IQCH: variants seen among roughly 807,000 people sequenced by gnomAD.
IQCH encodes the protein IQ motif containing H, also known as IQ domain-containing protein H.
A neutral mutation model predicts 117.0 loss-of-function variants in IQCH; 98 were observed. The observed-to-expected ratio is 0.84, with a 90% CI of 0.71 to 0.99. The LOEUF (loss-of-function observed/expected upper bound fraction) is 0.99. Among genes scored for constraint, IQCH ranks in the 50% least tolerant of loss-of-function variants. The probability of loss-of-function intolerance (pLI) is 0.00; values close to 1 mark genes in which losing one functional copy is unlikely to be tolerated. For synonymous variants in IQCH, 412 were observed against 448.2 expected (o/e 0.92, Z 1.02); for missense variants, 1,102 against 1,243.8 (o/e 0.89, Z 1.72).
At chr15:67,268,243 G>A (rs924655182) in intron 3 of IQCH, among the ~76,000 whole-genome samples, 1 of 152,186 alleles carries the variant, frequency 6.6e-6, no homozygotes, top group Non-Finnish European at 1.5e-5. Context: ...TACACAAAGT[G>A]GTGATAACGA....
At chr15:67,367,225 C>T (rs1372636002) in intron 8 of IQCH, among the ~76,000 whole-genome samples, 1 of 152,130 alleles carries the variant, frequency 6.6e-6, no homozygotes, top group Non-Finnish European at 1.5e-5. Context: ...TGACAAATTG[C>T]TTTCCAGCCT....
chr15:67,438,524 C>T (rs2082192052), intron 16 of IQCH, among the ~76,000 whole-genome samples: 1 of 152,108 alleles, frequency 6.6e-6, no homozygotes, highest in Non-Finnish European at 1.5e-5. Context: ...AGTACACAGG[C>T]AACGAAGAGC....
chr15:67,280,468 G>A (rs1966307185), intron 4 of IQCH, among the ~76,000 whole-genome samples: 2 of 152,204 alleles, frequency 1.3e-5, no homozygotes, highest in Non-Finnish European at 2.9e-5. Context: ...CCGGTGTCTG[G>A]TGAGGTCTTT....
At position 67,372,437 on chromosome 15, in the gene IQCH, G is replaced by A; in HGVS notation, c.1080G>A (p.Gly360=). The A allele has an allele frequency of 1.2e-6, 2 of 1,613,980 alleles. No homozygotes were observed. The highest frequency in any genetic ancestry group is 1.7e-6 in the Non-Finnish European group (2 of 1,179,960). Residue 360 remains glycine, a synonymous_variant, in exon 9 of 21, where the codon GGG becomes GGA. Coordinates refer to ENST00000335894, the MANE Select transcript of IQCH (RefSeq NM_001031715.3). ...TCCAAATGCTGATAAATCTTCCAGGGCAAAGGTACAAGGGCCAAGATGGAA... is the reference window on the plus strand; with the variant it reads ...TCCAAATGCTGATAAATCTTCCAGGACAAAGGTACAAGGGCCAAGATGGAA... ...AHVQMLINLP[G]QRYKGQDGNS...
chr15:67,383,989 A>T (rs1971026316), intron 10 of IQCH, among the ~76,000 whole-genome samples: 1 of 152,162 alleles, frequency 6.6e-6, no homozygotes, highest in African/African-American at 2.4e-5. Flanking sequence ...TGAAAAGGAA[A>T]TGTGTGTCAC....
chr15:67,442,877 T>TATAC (rs1567193362), intron 16 of IQCH, among the ~76,000 whole-genome samples: 92 of 146,760 alleles, frequency 6.3e-4, no homozygotes, highest in African/African-American at 2.2e-3. Flanking sequence ...TACATATATA[T>TATAC]ATATATAAAA....
chr15:67,400,014 A>G (rs916535042), intron 13 of IQCH, 100 bp from the exon 14 acceptor site: 1 of 844,842 alleles, frequency 1.2e-6, no homozygotes, highest in African/African-American at 1.7e-5. Flanking sequence ...GACCATTAGA[A>G]GTAAAGACAC....
chr15:67,408,644 C>G lies in IQCH; in HGVS notation c.2098-8287C>G, dbSNP rs1473179808. 2.6e-5 allele frequency among the ~76,000 whole-genome samples: 4 copies of G among 152,178 alleles called. No homozygotes were observed. Among genetic ancestry groups the G allele is most frequent in the African/African-American group, 9.7e-5 (4 of 41,436 alleles). On this transcript the variant is annotated intron_variant, in intron 14 of 20. Coordinates refer to ENST00000335894, the MANE Select transcript of IQCH (RefSeq NM_001031715.3). This position sits in a 1 kb window ranked among gnomAD's most constrained non-coding sequence, Gnocchi z 4.2. ...TTAAAATATAAATTCTCCTGATAGT[C>G]TCTCATTTCATTCCACAAACTTACT...
chr15:67,349,279 A>G (rs1326273124), intron 6 of IQCH, among the ~76,000 whole-genome samples: 1 of 152,228 alleles, frequency 6.6e-6, no homozygotes, highest in Non-Finnish European at 1.5e-5. Context: ...CATCAAAATT[A>G]AACATTTATA....
chr15:67,363,788 T>TA (rs1201373654), intron 8 of IQCH, among the ~76,000 whole-genome samples: 1 of 152,178 alleles, frequency 6.6e-6, no homozygotes, highest in Non-Finnish European at 1.5e-5. Flanking sequence ...CTCCTACTTA[T>TA]AAGTGAGAAC....
chr15:67,357,468 C>A, intron 7 of IQCH, 47 bp downstream of exon 7: 1 of 1,193,204 alleles, frequency 8.4e-7, no homozygotes, highest in South Asian at 1.2e-5. Context: ...TTATTTACAG[C>A]ACTTTCTGTG....
chr15:67,321,563 C>A (rs1968136384), intron 4 of IQCH, among the ~76,000 whole-genome samples: 1 of 138,028 alleles, frequency 7.2e-6, no homozygotes, highest in Non-Finnish European at 1.5e-5. Flanking sequence ...TCCTTTCTTT[C>A]TCTCCCTTTC....
At chr15:67,293,633 A>AT (rs1418208201) in intron 4 of IQCH, among the ~76,000 whole-genome samples, 1 of 151,416 alleles carries the variant, frequency 6.6e-6, no homozygotes, top group Non-Finnish European at 1.5e-5. Flanking sequence ...GAATTCATGA[A>AT]TGCAGAACCC....
intron 8 of IQCH, among the ~76,000 whole-genome samples, chr15:67,367,627 TAGA>T (rs1416746286): frequency 6.6e-6 from 1 of 151,786 alleles, no homozygotes; most frequent in Non-Finnish European, 1.5e-5. Context: ...TACAAGGTGG[TAGA>T]AGGAAGACTA....
At chr15:67,333,428 T>A (rs902409979) in intron 4 of IQCH, among the ~76,000 whole-genome samples, 2 of 152,226 alleles carry the variant, frequency 1.3e-5, no homozygotes, top group Non-Finnish European at 2.9e-5. Flanking sequence ...TTTAATAATG[T>A]GTTAGGTTTA....
intron 4 of IQCH, among the ~76,000 whole-genome samples, chr15:67,286,582 T>TTTTA (rs56267333): frequency 0.091 from 12,706 of 138,976 alleles, 639 homozygotes; most frequent in East Asian, 0.22. Context: ...CATATATGGC[T>TTTTA]TTTATTTATT....
intron 1 of IQCH, among the ~76,000 whole-genome samples, chr15:67,257,799 C>T (rs1349821522): frequency 6.6e-6 from 1 of 152,088 alleles, no homozygotes; most frequent in East Asian, 1.9e-4. Flanking sequence ...AATTAAAATC[C>T]AACAATTGTG....
At chr15:67,350,853 T>G (rs1220199441) in intron 6 of IQCH, among the ~76,000 whole-genome samples, 2 of 152,150 alleles carry the variant, frequency 1.3e-5, no homozygotes, top group African/African-American at 2.4e-5. Flanking sequence ...TAAGTCTGAC[T>G]TTTAGAAAGA....
chr15:67,363,875 A>G (rs926603234), intron 8 of IQCH, among the ~76,000 whole-genome samples: 1 of 152,222 alleles, frequency 6.6e-6, no homozygotes, highest in Non-Finnish European at 1.5e-5. Flanking sequence ...GTTGCTTCAA[A>G]TAACATGACC....
Sources: gnomAD v4.1 joint callset for allele counts (sites outside exome capture counted in the v4.1 genomes callset) on GRCh38, gnomAD v4.1.1 for gene constraint, Gnocchi (gnomAD v3.1) non-coding constraint, MANE v1.5 for transcripts, NCBI Gene and HGNC (gene_info 2026-07-23, HGNC 2026-07-21) for gene names.